Variants in ST6GALNAC3 observed in about 807,000 individuals in gnomAD.
ST6GALNAC3 encodes alpha-N-acetylgalactosaminide alpha-2,6-sialyltransferase 3.
Under a neutral mutation model 32.7 loss-of-function variants are expected in ST6GALNAC3, and 25 were observed. The ratio of observed to expected loss-of-function variants is 0.76; its 90% CI spans 0.56 to 1.07. The LOEUF (loss-of-function observed/expected upper bound fraction) is 1.07. Among genes scored for constraint, ST6GALNAC3 ranks in the 50% least tolerant of loss-of-function variants. ST6GALNAC3 has a pLI of 0.00. For synonymous variants in ST6GALNAC3, 129 were observed against 133.1 expected (o/e 0.97, Z 0.21); for missense variants, 355 against 382.4 (o/e 0.93, Z 0.60).
At chr1:76,573,893 G>C (rs1646755205) in intron 3 of ST6GALNAC3, among the ~76,000 whole-genome samples, 1 of 152,044 alleles carries the variant, frequency 6.6e-6, no homozygotes, top group African/African-American at 2.4e-5. Flanking sequence ...GGCAGGGACA[G>C]TAGAGAAGGA....
chr1:76,519,562 A>C (rs1201143545), intron 3 of ST6GALNAC3, among the ~76,000 whole-genome samples: 3 of 152,150 alleles, frequency 2.0e-5, no homozygotes, highest in East Asian at 3.9e-4. Context: ...GTAAATAGCC[A>C]TGTGTAGCTA....
chr1:76,221,141 G>C (rs147762832), intron 1 of ST6GALNAC3, among the ~76,000 whole-genome samples: 1 of 152,176 alleles, frequency 6.6e-6, no homozygotes, highest in Admixed American at 6.5e-5. Context: ...GAAGTGATGG[G>C]TGGAATGGAT....
rs1278049248 is a variant in ST6GALNAC3 at position 76,094,657 on chromosome 1, C to T, written c.18+19773C>T. 2.6e-5 allele frequency among the ~76,000 whole-genome samples: 4 copies of T among 152,204 alleles called. No homozygotes were observed. The South Asian group carries it at 6.2e-4, about 24-fold the overall frequency. ...ATGGAAGAATTTTAAGTAGAGGAAA[C>T]GTGTATATGATTTACATTTCCAAAG... On this transcript the variant is annotated intron_variant, in intron 1 of 4. Coordinates refer to ENST00000328299, the MANE Select transcript of ST6GALNAC3 (RefSeq NM_152996.4).
intron 1 of ST6GALNAC3, among the ~76,000 whole-genome samples, chr1:76,130,015 G>A (rs778145358): frequency 2.6e-4 from 40 of 152,138 alleles, no homozygotes; most frequent in Non-Finnish European, 5.0e-4. Context: ...CATTTGAGAT[G>A]GGATTCCATG....
intron 3 of ST6GALNAC3, among the ~76,000 whole-genome samples, chr1:76,453,077 A>T (rs1259893628): frequency 6.6e-6 from 1 of 152,142 alleles, no homozygotes; most frequent in Admixed American, 6.5e-5. Context: ...AGAAATGTTC[A>T]TGGTAGCCTT....
At chr1:76,597,728 G>A (rs1182328738) in intron 3 of ST6GALNAC3, among the ~76,000 whole-genome samples, 1 of 152,128 alleles carries the variant, frequency 6.6e-6, no homozygotes, top group Non-Finnish European at 1.5e-5. Context: ...CCTAAGTAGA[G>A]AGCTTCTGTT....
At chr1:76,282,335 T>C (rs1487883937) in intron 1 of ST6GALNAC3, among the ~76,000 whole-genome samples, 1 of 152,168 alleles carries the variant, frequency 6.6e-6, no homozygotes, top group Non-Finnish European at 1.5e-5. Flanking sequence ...ATTTTATATA[T>C]GTGATAAATA....
intron 1 of ST6GALNAC3, 188 bp from the exon 2 acceptor site, chr1:76,313,617 A>C (rs1310248823): frequency 2.8e-6 from 2 of 721,750 alleles, no homozygotes; most frequent in Non-Finnish European, 5.0e-6. Context: ...GCTTGCTCTC[A>C]GCAGCCCAGC....
intron 2 of ST6GALNAC3, among the ~76,000 whole-genome samples, chr1:76,351,334 A>G (rs1648962766): frequency 6.6e-6 from 1 of 152,178 alleles, no homozygotes; most frequent in Admixed American, 6.5e-5. Context: ...TTTCATTTAT[A>G]ACATTTTCAA....
chr1:76,536,015 C>T (rs1663574331), intron 3 of ST6GALNAC3, among the ~76,000 whole-genome samples: 1 of 152,074 alleles, frequency 6.6e-6, no homozygotes, highest in Non-Finnish European at 1.5e-5. Context: ...AATGCTTTTA[C>T]ATGCAAAATT....
intron 3 of ST6GALNAC3, among the ~76,000 whole-genome samples, chr1:76,469,584 G>A (rs1367567150): frequency 2.6e-5 from 4 of 152,050 alleles, no homozygotes; most frequent in South Asian, 4.1e-4. Context: ...TATGCTGATC[G>A]AATGTGACTT....
chr1:76,365,746 A>G (rs1340371492), intron 2 of ST6GALNAC3, among the ~76,000 whole-genome samples: 1 of 152,176 alleles, frequency 6.6e-6, no homozygotes, highest in African/African-American at 2.4e-5. Context: ...ATGGCCTTTC[A>G]ATTTTTCAAC....
chr1:76,262,484 G>A (rs1454191473), intron 1 of ST6GALNAC3, among the ~76,000 whole-genome samples: 2 of 152,180 alleles, frequency 1.3e-5, no homozygotes, highest in Non-Finnish European at 2.9e-5. Context: ...GTATTGCTTT[G>A]TCAATTCTAA....
chr1:76,449,215 AT>A (rs1212855814), intron 3 of ST6GALNAC3, among the ~76,000 whole-genome samples: 1 of 152,220 alleles, frequency 6.6e-6, no homozygotes, highest in Non-Finnish European at 1.5e-5. Context: ...AGTAATATGC[AT>A]TTATGGTTTA....
chr1:76,194,355 C>G lies in ST6GALNAC3; in HGVS notation c.19-119450C>G, dbSNP rs115695552. Among the ~76,000 whole-genome samples, 1,292 of 151,854 alleles carry G rather than the reference C, an allele frequency of 8.5e-3. 11 individuals carry two copies. Among genetic ancestry groups the G allele is most frequent in the Middle Eastern group, 0.024 (7 of 294 alleles). ...GTTCTCAAACCTTGCGTTTTAGGAC[C>G]CTTCTACATTCTTAAGAAAAGTATT... On this transcript the variant is annotated intron_variant, in intron 1 of 4. Coordinates refer to ENST00000328299, the MANE Select transcript of ST6GALNAC3 (RefSeq NM_152996.4).
At chr1:76,383,247 A>AAAATATT (rs1358916234) in intron 2 of ST6GALNAC3, among the ~76,000 whole-genome samples, 1 of 152,118 alleles carries the variant, frequency 6.6e-6, no homozygotes, top group East Asian at 1.9e-4. Flanking sequence ...AACCCACATT[A>AAAATATT]AAATATTATT....
chr1:76,206,375 G>C (rs1654823465), intron 1 of ST6GALNAC3, among the ~76,000 whole-genome samples: 1 of 152,066 alleles, frequency 6.6e-6, no homozygotes. Flanking sequence ...TCCCAACTCT[G>C]CTGCTTTCCA....
At chr1:76,193,019 A>T (rs559214033) in intron 1 of ST6GALNAC3, among the ~76,000 whole-genome samples, 1 of 152,314 alleles carries the variant, frequency 6.6e-6, no homozygotes, top group East Asian at 1.9e-4. Flanking sequence ...AGCTTAGGAC[A>T]TTTATATAAA....
Position 76,153,234 on chromosome 1 carries a change from T to C in ST6GALNAC3, c.18+78350T>C, listed in dbSNP as rs114983323. Among the ~76,000 whole-genome samples, 444 of 152,320 alleles carry C rather than the reference T, an allele frequency of 2.9e-3. 3 individuals are homozygous for C. The highest frequency in any genetic ancestry group is 0.01 in the African/African-American group (427 of 41,564). ...TTTGGATGCCATTGTGAATTTTTTT[T>C]CCCCTATAGCTATTGCCTATTTGCA... is the stretch of plus-strand genomic sequence containing the variant. On this transcript the variant is annotated intron_variant, in intron 1 of 4. Coordinates refer to ENST00000328299, the MANE Select transcript of ST6GALNAC3 (RefSeq NM_152996.4).
Sources: gnomAD v4.1 joint callset for allele counts (sites outside exome capture counted in the v4.1 genomes callset) on GRCh38, gnomAD v4.1.1 for gene constraint, MANE v1.5 for transcripts, NCBI Gene and HGNC (gene_info 2026-07-23, HGNC 2026-07-21) for gene names.